The following FYB2 variants were observed in gnomAD, a reference collection of about 807,000 sequenced individuals.
FYB2 encodes FYN binding protein 2.
A neutral mutation model predicts 94.1 loss-of-function variants in FYB2; 103 were observed. The ratio of observed to expected loss-of-function variants is 1.09; its 90% CI spans 0.93 to 1.29. The LOEUF is 1.29. FYB2 is among the 50% of genes most tolerant of loss of function. The probability of loss-of-function intolerance (pLI) is 0.00; values close to 1 mark genes in which losing one functional copy is unlikely to be tolerated. For synonymous variants in FYB2, 293 were observed against 287.9 expected (o/e 1.02, Z -0.18); for missense variants, 896 against 841.5 (o/e 1.06, Z -0.80).
At chr1:56,788,848 A>G in intron 3 of FYB2, 125 bp downstream of exon 3, 3 of 1,343,660 alleles carry the variant, frequency 2.2e-6, no homozygotes, top group Non-Finnish European at 3.2e-6. Context: ...CCTCTAGATG[A>G]GAATAAGCAG....
intron 1 of FYB2, among the ~76,000 whole-genome samples, chr1:56,807,625 C>T (rs766091295): frequency 6.6e-6 from 1 of 152,182 alleles, no homozygotes; most frequent in Non-Finnish European, 1.5e-5. Context: ...ACTGAGCTTG[C>T]ACCACTGCAG....
chr1:56,726,726 T>C (rs1644591773), intron 15 of FYB2, 143 bp from the exon 16 acceptor site: 5 of 687,344 alleles, frequency 7.3e-6, no homozygotes, highest in African/African-American at 1.8e-5. Flanking sequence ...GGAAAGGCCA[T>C]ATAATAAATA....
In FYB2 at chr1:56,729,137, C is replaced by T. The variant is rs531284004; in HGVS notation, c.1794-2554G>A. ...TTTATGTCTTCCTAAGCAGTTTTGA[C>T]TTCATTCTGAAAGTGATGGTTAACC... On this transcript the variant is annotated intron_variant, in intron 15 of 19. Coordinates refer to ENST00000343433, the MANE Select transcript of FYB2 (RefSeq NM_001004303.5). Among the ~76,000 whole-genome samples, 11 of 152,220 alleles carry T rather than the reference C, an allele frequency of 7.2e-5. No homozygotes were observed. The South Asian group carries it at 2.3e-3, about 32-fold the overall frequency.
intron 1 of FYB2, among the ~76,000 whole-genome samples, chr1:56,798,699 C>A (rs1301036607): frequency 6.6e-6 from 1 of 152,054 alleles, no homozygotes; most frequent in Non-Finnish European, 1.5e-5. Context: ...TTACCATATA[C>A]CAGGCACTGT....
At position 56,762,296 on chromosome 1, in the gene FYB2, G is replaced by A. The variant is rs546123006; in HGVS notation, c.1064-3546C>T. 1.2e-4 allele frequency among the ~76,000 whole-genome samples: 19 copies of A among 152,222 alleles called. 1 individual carries two copies. In the East Asian group the frequency reaches 2.5e-3, roughly 20 times the overall value. Reference sequence around the variant, plus strand: ...TTTTTATAGGAATTTTATTAAACCTGTGTATCATTTTGAGATAATTGACAT... The same window carrying A: ...TTTTTATAGGAATTTTATTAAACCTATGTATCATTTTGAGATAATTGACAT... On this transcript the variant is annotated intron_variant, in intron 5 of 19. Coordinates refer to ENST00000343433, the MANE Select transcript of FYB2 (RefSeq NM_001004303.5).
At chr1:56,766,458 G>T (rs1224889655) in intron 5 of FYB2, among the ~76,000 whole-genome samples, 1 of 151,530 alleles carries the variant, frequency 6.6e-6, no homozygotes, top group Admixed American at 6.6e-5. Context: ...TTTTGAGACG[G>T]AGTCTCGCTC....
intron 6 of FYB2, among the ~76,000 whole-genome samples, chr1:56,757,687 CTTCT>C (rs1191302491): frequency 0.12 from 8,708 of 71,480 alleles, 440 homozygotes; most frequent in South Asian, 0.18. Context: ...TCCTTCCTTC[CTTCT>C]TTCTTTCTTT....
chr1:56,819,571 T>G, upstream of FYB2: 1 of 563,116 alleles, frequency 1.8e-6, no homozygotes, highest in South Asian at 2.1e-5. Context: ...AGCCCACCTC[T>G]TCTCAGCAAG....
intron 9 of FYB2, among the ~76,000 whole-genome samples, chr1:56,749,755 G>A (rs1006426286): frequency 2.0e-5 from 3 of 151,822 alleles, no homozygotes; most frequent in Non-Finnish European, 2.9e-5. Context: ...AATATTTTGA[G>A]GGGATTATTT....
At chr1:56,777,377 T>C (rs1645905296) in intron 4 of FYB2, among the ~76,000 whole-genome samples, 1 of 151,932 alleles carries the variant, frequency 6.6e-6, no homozygotes, top group African/African-American at 2.4e-5. Flanking sequence ...CCTAAATCAA[T>C]GCCCTTAACT....
chr1:56,792,390 CCA>C lies in FYB2; in HGVS notation c.421_422del (p.Trp141GlufsTer11). 1 of 1,614,142 alleles carries C rather than the reference CCA, an allele frequency of 6.2e-7. No homozygotes were observed. The highest frequency in any genetic ancestry group is 2.2e-5 in the East Asian group (1 of 44,876). On this transcript the variant is annotated frameshift_variant, in exon 2 of 20. Transcript: ENST00000343433. LOFTEE classifies it high-confidence loss of function. ...MVANSFRNKLWNWEKVSSQKS... is the reference protein window; with the variant it reads ...MVANSFRNKLXNWEKVSSQKS... ...TCTGAGATGAAACCTTCTCCCAGTT[CCA>C]GAGTTTGTTTCTGAAGCTATTGGCC...
intron 4 of FYB2, among the ~76,000 whole-genome samples, chr1:56,780,027 G>A (rs1645971420): frequency 6.6e-6 from 1 of 152,008 alleles, no homozygotes; most frequent in Non-Finnish European, 1.5e-5. Context: ...TTTATAGGTG[G>A]CAATTAGTAT....
chr1:56,767,952 G>T lies in FYB2; in HGVS notation c.954-14C>A. The T allele has an allele frequency of 1.3e-6, 2 of 1,531,024 alleles. No individual in the cohort carries two copies. Among genetic ancestry groups the T allele is most frequent in the Non-Finnish European group, 1.8e-6 (2 of 1,125,566 alleles). The allele number at this position is 1,531,024 out of a possible 1,614,324, so 94.8% of individuals were successfully genotyped here. On this transcript the variant is annotated splice_polypyrimidine_tract_variant and intron_variant, in intron 4 of 19. Transcript: ENST00000343433. ...GCATTGAAAAGCCTGGAGAAAAAAG[G>T]GTTACTTAAAATGTAACATTTTTAA...
intron 1 of FYB2, among the ~76,000 whole-genome samples, chr1:56,802,571 T>C (rs568970525): frequency 8.5e-5 from 13 of 152,286 alleles, no homozygotes; most frequent in Admixed American, 3.9e-4. Context: ...TGCCGTTCCA[T>C]TGTATTTTCA....
chr1:56,791,631 G>A (rs974927323), intron 2 of FYB2, among the ~76,000 whole-genome samples: 27 of 152,178 alleles, frequency 1.8e-4, no homozygotes, highest in African/African-American at 6.5e-4. Flanking sequence ...GACAGATTCA[G>A]TGTGTAGAAT....
At chr1:56,755,949 G>T (rs1459047760) in intron 6 of FYB2, 22 bp from the exon 7 acceptor site, 10 of 1,604,026 alleles carry the variant, frequency 6.2e-6, no homozygotes, top group Admixed American at 5.0e-5. Flanking sequence ...GTGGAAAATG[G>T]TTATTTTCAT....
At chr1:56,802,658 T>C (rs964051469) in intron 1 of FYB2, among the ~76,000 whole-genome samples, 14 of 152,080 alleles carry the variant, frequency 9.2e-5, no homozygotes, top group African/African-American at 3.4e-4. Flanking sequence ...CCTTCAAAGG[T>C]TTAGGGACTT....
intron 15 of FYB2, among the ~76,000 whole-genome samples, chr1:56,729,455 G>A (rs1644655665): frequency 6.6e-6 from 1 of 152,052 alleles, no homozygotes; most frequent in Admixed American, 6.6e-5. Flanking sequence ...CCAACATAGA[G>A]ATCAAAAGGA....
At chr1:56,815,499 AG>A (rs1646862986) in intron 1 of FYB2, among the ~76,000 whole-genome samples, 2 of 152,178 alleles carry the variant, frequency 1.3e-5, no homozygotes, top group African/African-American at 2.4e-5. Flanking sequence ...ATTCCAAGAT[AG>A]GGCCTGAGAG....
Sources: allele counts gnomAD v4.1 joint callset (sites outside exome capture counted in the v4.1 genomes callset), GRCh38; gene constraint gnomAD v4.1.1; transcripts MANE v1.5; gene names NCBI Gene and HGNC (gene_info 2026-07-23, HGNC 2026-07-21).